Variants in DYNC1I1 observed in about 807,000 individuals in gnomAD.
DYNC1I1 encodes the protein dynein cytoplasmic 1 intermediate chain 1.
In DYNC1I1, 43 loss-of-function variants were observed where a neutral mutation model predicts 86.6. The observed-to-expected ratio is 0.50, with a 90% CI of 0.39 to 0.64. The LOEUF (loss-of-function observed/expected upper bound fraction) is 0.64, where lower values mean the gene tolerates loss of function less well. Ranked by LOEUF, DYNC1I1 falls within the 30% of genes least tolerant of loss-of-function variation. The pLI, the probability that DYNC1I1 is intolerant of heterozygous loss-of-function variation, is 0.00. For synonymous variants in DYNC1I1, 262 were observed against 283.7 expected (o/e 0.92, Z 0.77); for missense variants, 604 against 788.8 (o/e 0.77, Z 2.81).
At chr7:96,033,535 A>C (rs1040999021) in intron 12 of DYNC1I1, among the ~76,000 whole-genome samples, 1 of 152,202 alleles carries the variant, frequency 6.6e-6, no homozygotes, top group Non-Finnish European at 1.5e-5. Context: ...ACTATCCTCC[A>C]ACCAAAAACA....
chr7:95,855,957 A>G (rs1789709894), intron 5 of DYNC1I1, among the ~76,000 whole-genome samples: 2 of 152,184 alleles, frequency 1.3e-5, no homozygotes, highest in Non-Finnish European at 2.9e-5. Context: ...AGGCTGTACT[A>G]AATTTATAAT....
chr7:96,066,436 T>G (rs1180160171), intron 14 of DYNC1I1, among the ~76,000 whole-genome samples: 2 of 152,216 alleles, frequency 1.3e-5, no homozygotes, highest in African/African-American at 4.8e-5. Context: ...TTCTTTGGTA[T>G]AAACAAGGCA....
At chr7:95,917,997 G>A (rs1791512325) in intron 6 of DYNC1I1, among the ~76,000 whole-genome samples, 1 of 152,234 alleles carries the variant, frequency 6.6e-6, no homozygotes, top group Non-Finnish European at 1.5e-5. Context: ...CTGTAAACAT[G>A]AGGACCAGTG....
At chr7:95,910,190 C>T (rs1791295401) in intron 6 of DYNC1I1, among the ~76,000 whole-genome samples, 1 of 152,032 alleles carries the variant, frequency 6.6e-6, no homozygotes, top group Admixed American at 6.6e-5. Flanking sequence ...ATATTGAGTC[C>T]CTCCTAAGGC....
At chr7:95,822,091 T>A (rs895431636) in intron 4 of DYNC1I1, among the ~76,000 whole-genome samples, 5 of 152,226 alleles carry the variant, frequency 3.3e-5, no homozygotes, top group African/African-American at 1.2e-4. Context: ...TGACCACTCA[T>A]CAGAGTGCAA....
intron 14 of DYNC1I1, among the ~76,000 whole-genome samples, chr7:96,061,068 G>GAGAATAGT (rs1176838718): frequency 6.6e-6 from 1 of 152,216 alleles, no homozygotes; most frequent in Non-Finnish European, 1.5e-5. Flanking sequence ...TGCGAGGAGA[G>GAGAATAGT]AGAATAGTAC....
At chr7:96,074,493 A>G (rs954162708) in intron 14 of DYNC1I1, among the ~76,000 whole-genome samples, 7 of 150,006 alleles carry the variant, frequency 4.7e-5, no homozygotes, top group Non-Finnish European at 1.0e-4. Context: ...GGAGCTTGCA[A>G]TGAGCCGAGA....
intron 10 of DYNC1I1, among the ~76,000 whole-genome samples, chr7:96,012,355 CT>C (rs528159060): frequency 1.3e-5 from 2 of 152,108 alleles, no homozygotes; most frequent in South Asian, 4.1e-4. Context: ...ACCATCCTTT[CT>C]TTTTTGTTGG....
intron 11 of DYNC1I1, among the ~76,000 whole-genome samples, chr7:96,031,216 G>C (rs534187763): frequency 1.3e-5 from 2 of 152,202 alleles, no homozygotes; most frequent in East Asian, 3.9e-4. Flanking sequence ...AACCTCACTG[G>C]AAGAGGAATC....
At chr7:95,937,363 A>G (rs984692133) in intron 6 of DYNC1I1, among the ~76,000 whole-genome samples, 1 of 152,078 alleles carries the variant, frequency 6.6e-6, no homozygotes, top group African/African-American at 2.4e-5. Context: ...GGTGATGGGT[A>G]TGTTAATTAG....
intron 6 of DYNC1I1, among the ~76,000 whole-genome samples, chr7:95,874,442 G>GA (rs1412583924): frequency 2.0e-5 from 3 of 151,632 alleles, no homozygotes; most frequent in Non-Finnish European, 4.4e-5. Context: ...ATTGACAAAA[G>GA]AAAAAAAAGC....
At position 95,999,804 on chromosome 7, in the gene DYNC1I1, C is replaced by T. The variant is rs143930694; in HGVS notation, c.969+3731C>T. Among the ~76,000 whole-genome samples, 50 of 152,200 alleles carry T rather than the reference C, an allele frequency of 3.3e-4. No individual in the cohort carries two copies. In the East Asian group the frequency reaches 9.7e-3, roughly 29 times the overall value. On this transcript the variant is annotated intron_variant, in intron 10 of 16. Transcript: ENST00000447467. ...TATTGTTGTGTTTCCTGATCCCATGCAAAGAAGACTTTCTCTAGTCTCTGG... is the reference window on the plus strand; with the variant it reads ...TATTGTTGTGTTTCCTGATCCCATGTAAAGAAGACTTTCTCTAGTCTCTGG...
chr7:96,072,867 A>C (rs1184731553), intron 14 of DYNC1I1, among the ~76,000 whole-genome samples: 1 of 152,200 alleles, frequency 6.6e-6, no homozygotes, highest in Non-Finnish European at 1.5e-5. Context: ...TTTACCTTAA[A>C]ATATTTTATG....
chr7:96,079,032 T>C (rs1790432492), intron 15 of DYNC1I1, among the ~76,000 whole-genome samples: 1 of 152,128 alleles, frequency 6.6e-6, no homozygotes, highest in Admixed American at 6.5e-5. Context: ...TTTTTTTGTT[T>C]TTTTGTTTTT....
chr7:95,896,075 G>A (rs1790875598), intron 6 of DYNC1I1, among the ~76,000 whole-genome samples: 1 of 152,196 alleles, frequency 6.6e-6, no homozygotes, highest in South Asian at 2.1e-4. Context: ...TATAGCAGAA[G>A]CTGGGCTGCT....
At chr7:96,100,704 T>A (rs572161967), downstream of DYNC1I1, among the ~76,000 whole-genome samples, 1 of 139,120 alleles carries the variant, frequency 7.2e-6, no homozygotes, top group East Asian at 2.3e-4. Context: ...GGAAGCTATA[T>A]GACTTTATAC....
At chr7:96,103,650 T>C (rs1274916911) in intron 16 of DYNC1I1, among the ~76,000 whole-genome samples, 1 of 151,834 alleles carries the variant, frequency 6.6e-6, no homozygotes, top group Non-Finnish European at 1.5e-5. Context: ...TCTCGCTCTG[T>C]CGCCCAAGCT....
At chr7:95,822,414 TGGTA>T (rs551841019) in intron 4 of DYNC1I1, among the ~76,000 whole-genome samples, 138 of 152,306 alleles carry the variant, frequency 9.1e-4, no homozygotes, top group African/African-American at 2.8e-3. Context: ...AACTACTACA[TGGTA>T]GGCATTTTTG....
downstream of DYNC1I1, among the ~76,000 whole-genome samples, chr7:96,098,834 G>A (rs1415677306): frequency 6.6e-6 from 1 of 152,140 alleles, no homozygotes; most frequent in Non-Finnish European, 1.5e-5. Flanking sequence ...TTTATGCCCA[G>A]GGAAAATGAA....
Sources: gnomAD v4.1 joint callset for allele counts (sites outside exome capture counted in the v4.1 genomes callset) on GRCh38, gnomAD v4.1.1 for gene constraint, MANE v1.5 for transcripts, NCBI Gene and HGNC (gene_info 2026-07-23, HGNC 2026-07-21) for gene names.